Variants in MRPL37 observed in about 807,000 individuals in gnomAD.
MRPL37 encodes mitochondrial ribosomal protein L37.
A neutral mutation model predicts 44.1 loss-of-function variants in MRPL37; 34 were observed. The ratio of observed to expected loss-of-function variants is 0.77; its 90% CI spans 0.59 to 1.03. The LOEUF is 1.03. Ranked by LOEUF, MRPL37 falls within the 50% of genes least tolerant of loss-of-function variation. The probability of loss-of-function intolerance (pLI) is 0.00; values close to 1 mark genes in which losing one functional copy is unlikely to be tolerated. For missense variants in MRPL37, 532 were observed against 543.7 expected (o/e 0.98, Z 0.21); for synonymous variants, 212 against 219.5 (o/e 0.97, Z 0.30).
chr1:54,205,410 G>A lies in MRPL37; in HGVS notation c.646G>A (p.Glu216Lys). The part of the protein sequence containing the change: ...NSTFSATWNR[E>K]SLLLQVRGSG... ...CACGTTTTCTGCTACCTGGAACCGA[G>A]GTTGGTCATCTTGTACACCAGAAAG... The change falls in exon 3 of 7, where the codon GAG becomes AAG. Residue 216 changes from glutamate to lysine, a missense_variant and splice_region_variant. Glu to Lys is a moderately conservative substitution (Grantham distance 56, BLOSUM62 1). Transcript: ENST00000360840. The A allele has an allele frequency of 6.2e-7, 1 of 1,612,562 alleles. No homozygotes were observed. The highest frequency in any genetic ancestry group is 8.5e-7 in the Non-Finnish European group (1 of 1,178,934).
downstream of MRPL37, among the ~76,000 whole-genome samples, chr1:54,221,472 T>G (rs1644233069): frequency 6.6e-6 from 1 of 152,152 alleles, no homozygotes; most frequent in Non-Finnish European, 1.5e-5. Flanking sequence ...AGGGACCCTC[T>G]CCCCTCAGAA....
chr1:54,205,498 C>A, intron 3 of MRPL37, 88 bp downstream of exon 3: 1 of 1,066,038 alleles, frequency 9.4e-7, no homozygotes, highest in East Asian at 2.4e-5. Context: ...TCCCCCTGCC[C>A]CCAAATACCG....
intron 3 of MRPL37, among the ~76,000 whole-genome samples, chr1:54,207,053 G>A (rs1215372242): frequency 2.6e-5 from 4 of 152,078 alleles, no homozygotes; most frequent in Middle Eastern, 3.2e-3. Context: ...TGCTTGGCCC[G>A]CTGCTTTCTT....
chr1:54,203,000 G>A (rs533124660), intron 1 of MRPL37, among the ~76,000 whole-genome samples: 11 of 152,158 alleles, frequency 7.2e-5, no homozygotes, highest in Non-Finnish European at 1.0e-4. Flanking sequence ...GTCTATGCAT[G>A]TTCCTCCCTT....
At chr1:54,224,629 CT>C (rs1489588035), downstream of MRPL37, among the ~76,000 whole-genome samples, 1 of 152,184 alleles carries the variant, frequency 6.6e-6, no homozygotes, top group Admixed American at 6.5e-5. Flanking sequence ...CTGCCCTTTG[CT>C]TGGACCCTCT....
chr1:54,210,165 T>G (rs1644154046), intron 4 of MRPL37, 34 bp downstream of exon 4: 2 of 1,594,724 alleles, frequency 1.3e-6, no homozygotes, highest in Admixed American at 3.4e-5. Context: ...TTAGGCAGTG[T>G]GGAGGAGAAG....
At chr1:54,212,744 T>C in intron 5 of MRPL37, 86 bp downstream of exon 5, 1 of 1,549,086 alleles carries the variant, frequency 6.5e-7, no homozygotes, top group Non-Finnish European at 8.8e-7. Flanking sequence ...AGAAAAGGGA[T>C]ATAGGGGAAC....
intron 3 of MRPL37, 93 bp downstream of exon 3, chr1:54,205,503 A>G: frequency 9.9e-7 from 1 of 1,010,380 alleles, no homozygotes; most frequent in Non-Finnish European, 1.5e-6. Flanking sequence ...CTGCCCCCAA[A>G]TACCGATCCT....
chr1:54,225,031 G>A, downstream of MRPL37: 2 of 1,183,146 alleles, frequency 1.7e-6, no homozygotes, highest in East Asian at 3.2e-5. Context: ...CCCACCCGAG[G>A]GGAGAAAGCA....
At chr1:54,218,912 GC>G (rs1411115046), downstream of MRPL37, among the ~76,000 whole-genome samples, 19 of 152,242 alleles carry the variant, frequency 1.2e-4, no homozygotes, top group Admixed American at 1.2e-3. Flanking sequence ...CCTAGCATGT[GC>G]CATGCACTGT....
At position 54,200,194 on chromosome 1, in the gene MRPL37, G is replaced by C; in HGVS notation, c.-50G>C. 1 of 1,496,430 alleles carries C rather than the reference G, an allele frequency of 6.7e-7. No individual in the cohort carries two copies. The highest frequency in any genetic ancestry group is 8.9e-7 in the Non-Finnish European group (1 of 1,127,804). The allele number at this position is 1,496,430 out of a possible 1,614,324, so 92.7% of individuals were successfully genotyped here. A position where few individuals can be genotyped will look rare whatever the true frequency, so the allele number is the denominator to read the frequency against. ...CATTCGTTCCCAGCAGGCCCTGCGC[G>C]CGGCAACATGGCGGGGTCCAGGTGG... On this transcript the variant is annotated 5_prime_UTR_variant, in exon 1 of 7. Transcript: ENST00000360840.
chr1:54,214,620 G>A (rs1266692183), intron 5 of MRPL37, among the ~76,000 whole-genome samples: 4 of 152,168 alleles, frequency 2.6e-5, no homozygotes, highest in East Asian at 1.9e-4. Flanking sequence ...CTGCAGACTC[G>A]CTGTAGCCTC....
chr1:54,215,001 A>C (rs1644187925), intron 5 of MRPL37, among the ~76,000 whole-genome samples: 1 of 152,138 alleles, frequency 6.6e-6, no homozygotes, highest in Non-Finnish European at 1.5e-5. Context: ...ATTCAGCCCC[A>C]GTGGGGTGAA....
chr1:54,217,615 T>C (rs562640144), intron 6 of MRPL37, among the ~76,000 whole-genome samples: 1 of 152,362 alleles, frequency 6.6e-6, no homozygotes, highest in East Asian at 1.9e-4. Context: ...CCTTTTCTTT[T>C]TCTTTCTGCC....
chr1:54,209,842 C>A (rs554812694), intron 3 of MRPL37, 104 bp from the exon 4 acceptor site: 7 of 1,184,518 alleles, frequency 5.9e-6, no homozygotes, highest in Non-Finnish European at 8.3e-6. Flanking sequence ...AATGATCCAC[C>A]TGCCTTGGCC....
downstream of MRPL37, chr1:54,220,476 C>G (rs1035662161): frequency 5.3e-6 from 2 of 374,178 alleles, no homozygotes; most frequent in African/African-American, 4.3e-5. Flanking sequence ...TACAGCTGAT[C>G]TGCAAAGTGG....
At chr1:54,219,002 C>T (rs559137721), downstream of MRPL37, among the ~76,000 whole-genome samples, 3 of 152,214 alleles carry the variant, frequency 2.0e-5, no homozygotes, top group Non-Finnish European at 4.4e-5. Flanking sequence ...GGTCAGCTTC[C>T]CGAGGAAACA....
downstream of MRPL37, chr1:54,220,588 CATGA>C (rs1644225994): frequency 2.2e-6 from 1 of 464,698 alleles, no homozygotes; most frequent in African/African-American, 2.0e-5. Context: ...GCTCGTGTGT[CATGA>C]CAGCTGCCCC....
chr1:54,212,879 CAT>C (rs1644174578), intron 5 of MRPL37, among the ~76,000 whole-genome samples: 1 of 152,214 alleles, frequency 6.6e-6, no homozygotes, highest in African/African-American at 2.4e-5. Flanking sequence ...CAGTAGCCCA[CAT>C]GTTTTTACTG....
Sources: gnomAD v4.1 joint callset for allele counts (sites outside exome capture counted in the v4.1 genomes callset) on GRCh38, gnomAD v4.1.1 for gene constraint, MANE v1.5 for transcripts, NCBI Gene and HGNC (gene_info 2026-07-23, HGNC 2026-07-21) for gene names.